The following TMEM63A variants were observed in gnomAD, a reference collection of about 807,000 sequenced individuals.
TMEM63A encodes the protein transmembrane protein 63A, also known as mechanosensitive cation channel TMEM63A.
In TMEM63A, 76 loss-of-function variants were observed where a neutral mutation model predicts 100.6. The observed-to-expected ratio is 0.76, with a 90% confidence interval of 0.63 to 0.91. The LOEUF (loss-of-function observed/expected upper bound fraction) is 0.91. Among genes scored for constraint, TMEM63A ranks in the 40% least tolerant of loss-of-function variants. The pLI is 0.00. For missense variants in TMEM63A, 876 were observed against 1,008.8 expected, an observed-to-expected ratio of 0.87 and a Z score of 1.78; for synonymous variants, 401 against 401.1, an observed-to-expected ratio of 1.00 and a Z score of 0.00.
intron 4 of TMEM63A, among the ~76,000 whole-genome samples, chr1:225,873,350 C>T (rs1382202021): frequency 2.0e-5 from 3 of 152,174 alleles, no homozygotes; most frequent in Non-Finnish European, 4.4e-5. Flanking sequence ...AATCCCAGAG[C>T]AGGGATCACG....
At chr1:225,845,243 T>A (rs1310174769), downstream of TMEM63A, 2 of 1,614,024 alleles carry the variant, frequency 1.2e-6, no homozygotes, top group South Asian at 2.2e-5. Flanking sequence ...AAAGCTCATC[T>A]CCTATTCCTA....
Position 225,867,825 on chromosome 1 carries a change from C to T in TMEM63A, c.514+63G>A. On this transcript the variant is annotated intron_variant, in intron 7 of 24. Transcript: ENST00000366835. The surrounding 1 kb of genome is among the most constrained non-coding windows in gnomAD (Gnocchi z 4.6). ...GGGGTTCTGGTCTACCACAGTGAGC[C>T]CTTTCCCTAGGACTGCCACTCTGCC... 6.2e-7 allele frequency: 1 copy of T among 1,602,846 alleles called. No individual in the cohort carries two copies. Among genetic ancestry groups the T allele is most frequent in the Non-Finnish European group, 8.5e-7 (1 of 1,173,456 alleles).
rs1207718509 is a variant in TMEM63A at position 225,852,737 on chromosome 1, C to T, written c.1830G>A (p.Met610Ile). ...NQAFQYEFGA[M>I]YAWMLCVFTV... Reference sequence around the variant, plus strand: ...TGAAGACACACAGCATCCATGCATACATGGCTCCAAACTCGTACTGGAAGG... The same window carrying T: ...TGAAGACACACAGCATCCATGCATATATGGCTCCAAACTCGTACTGGAAGG... The change falls in exon 20 of 25, where the codon ATG becomes ATA. Residue 610 changes from methionine (M) to isoleucine (I), a missense_variant. Physicochemically the swap from Met to Ile is conservative, Grantham distance 10. Transcript: ENST00000366835. The T allele has an allele frequency of 1.2e-6, 2 of 1,613,994 alleles. No individual in the cohort carries two copies.
chr1:225,859,971 C>T (rs1354654849), intron 14 of TMEM63A: 1 of 155,234 alleles, frequency 6.4e-6, no homozygotes, highest in Non-Finnish European at 1.4e-5. Context: ...TTAGACACAT[C>T]TGCAATGCTT....
At chr1:225,868,503 G>A (rs369168834) in intron 6 of TMEM63A, among the ~76,000 whole-genome samples, 3 of 150,678 alleles carry the variant, frequency 2.0e-5, no homozygotes, top group African/African-American at 7.3e-5. Flanking sequence ...CGGTGAAACT[G>A]TCTCTACTAA....
rs1415492566 is a variant in TMEM63A at position 225,862,367 on chromosome 1, T to C, written c.952-16A>G. The C allele has an allele frequency of 1.9e-6, 3 of 1,614,016 alleles. No homozygotes were observed. The highest frequency in any genetic ancestry group is 1.1e-5 in the South Asian group (1 of 91,080). On this transcript the variant is annotated splice_polypyrimidine_tract_variant and intron_variant, in intron 12 of 24. Coordinates refer to ENST00000366835, the MANE Select transcript of TMEM63A (RefSeq NM_014698.3). The surrounding 1 kb of genome is among the most constrained non-coding windows in gnomAD (Gnocchi z 5.1). ...TGGCGTCTTCCTGCCACAAGACACA[T>C]CCCATTGGGATGACGTGGCCCCATG...
chr1:225,857,980 T>C (rs1669725956), intron 15 of TMEM63A, among the ~76,000 whole-genome samples: 4 of 152,202 alleles, frequency 2.6e-5, no homozygotes, highest in Admixed American at 1.3e-4. Context: ...CATCAGCTCA[T>C]TGATTATCAT....
At chr1:225,878,885 T>TACCTACAC (rs1491107467) in intron 2 of TMEM63A, among the ~76,000 whole-genome samples, 37 of 139,592 alleles carry the variant, frequency 2.7e-4, no homozygotes, top group African/African-American at 9.6e-4. Flanking sequence ...CCTACCTACC[T>TACCTACAC]ACACACACAC....
At chr1:225,873,277 C>T (rs1028279191) in intron 4 of TMEM63A, among the ~76,000 whole-genome samples, 5 of 152,168 alleles carry the variant, frequency 3.3e-5, no homozygotes, top group African/African-American at 4.8e-5. Flanking sequence ...GCCGTAAAGG[C>T]ATCAGATGTC....
At chr1:225,876,304 A>C (rs1212556682) in intron 3 of TMEM63A, among the ~76,000 whole-genome samples, 2 of 145,560 alleles carry the variant, frequency 1.4e-5, no homozygotes, top group African/African-American at 2.6e-5. Flanking sequence ...ACCCCTGCCC[A>C]CTCCTCCTTG....
chr1:225,879,611 C>T (rs558690436), intron 1 of TMEM63A, among the ~76,000 whole-genome samples: 174 of 152,308 alleles, frequency 1.1e-3, no homozygotes, highest in Middle Eastern at 0.01. Context: ...CTCCTCTGTG[C>T]GACCCTACTC....
At chr1:225,878,610 T>C (rs547840506) in intron 2 of TMEM63A, among the ~76,000 whole-genome samples, 1 of 152,152 alleles carries the variant, frequency 6.6e-6, no homozygotes, top group Non-Finnish European at 1.5e-5. Flanking sequence ...ATGCTGTGGC[T>C]GAAGGGCCAG....
intron 9 of TMEM63A, 38 bp downstream of exon 9, chr1:225,866,536 C>T: frequency 6.3e-7 from 1 of 1,590,516 alleles, no homozygotes; most frequent in Non-Finnish European, 8.6e-7. Flanking sequence ...CCACCTGAGT[C>T]CCTCCCAGCA....
intron 1 of TMEM63A, among the ~76,000 whole-genome samples, chr1:225,880,517 C>T (rs1332873305): frequency 6.6e-6 from 1 of 152,136 alleles, no homozygotes; most frequent in Non-Finnish European, 1.5e-5. Flanking sequence ...TGAAGTGGCA[C>T]TGCCTGGCTG....
chr1:225,859,334 G>A lies in TMEM63A; in HGVS notation c.1239C>T (p.Ile413=), dbSNP rs1319430039. ...PEDICWKNLS[I]QGLRWWLQWL... ...ACTGTAGCCACCAGCGGAGGCCCTGGATAGAGAGGTTCTTCCTGCAGCGGG... is the reference window on the plus strand; with the variant it reads ...ACTGTAGCCACCAGCGGAGGCCCTGAATAGAGAGGTTCTTCCTGCAGCGGG... Residue 413 remains isoleucine, a synonymous_variant, in exon 15 of 25, where the codon ATC becomes ATT. Coordinates refer to ENST00000366835, the MANE Select transcript of TMEM63A (RefSeq NM_014698.3). The A allele has an allele frequency of 1.9e-6, 3 of 1,613,926 alleles. No homozygotes were observed. In the African/African-American group the frequency reaches 4.0e-5, roughly 22 times the overall value.
chr1:225,874,773 C>T (rs984905196), intron 3 of TMEM63A, among the ~76,000 whole-genome samples: 4 of 152,220 alleles, frequency 2.6e-5, no homozygotes, highest in Non-Finnish European at 5.9e-5. Flanking sequence ...AACCAGCATC[C>T]TTCTTCACTT....
intron 13 of TMEM63A, 142 bp from the exon 14 acceptor site, chr1:225,861,139 A>G (rs950825028): frequency 9.1e-5 from 85 of 934,524 alleles, no homozygotes; most frequent in Non-Finnish European, 1.2e-4. Flanking sequence ...GAGTAACGCT[A>G]TGTAAGAGGT....
At chr1:225,857,846 T>A (rs1328618126) in intron 15 of TMEM63A, among the ~76,000 whole-genome samples, 5 of 152,264 alleles carry the variant, frequency 3.3e-5, no homozygotes, top group Non-Finnish European at 1.5e-5. Flanking sequence ...CCTGTCCTTC[T>A]ATTAAAAGAT....
intron 1 of TMEM63A, among the ~76,000 whole-genome samples, chr1:225,879,812 G>C (rs1037140491): frequency 4.6e-5 from 7 of 152,200 alleles, no homozygotes; most frequent in South Asian, 2.1e-4. Flanking sequence ...GGCTCCCCAG[G>C]GTTCCCCAAG....
Sources: gnomAD v4.1 joint callset for allele counts (sites outside exome capture counted in the v4.1 genomes callset) on GRCh38, gnomAD v4.1.1 for gene constraint, Gnocchi (gnomAD v3.1) non-coding constraint, MANE v1.5 for transcripts, NCBI Gene and HGNC (gene_info 2026-07-23, HGNC 2026-07-21) for gene names.